NLRP5: variants seen among roughly 807,000 people sequenced by gnomAD.
The protein encoded by NLRP5 is NLR family pyrin domain containing 5.
In NLRP5, 93 loss-of-function variants were observed where a neutral mutation model predicts 113.1. The ratio of observed to expected loss-of-function variants is 0.82; its 90% CI spans 0.70 to 0.98. The LOEUF (loss-of-function observed/expected upper bound fraction) is 0.98, where lower values mean the gene tolerates loss of function less well. NLRP5 is among the 50% of genes least tolerant of loss of function. The pLI, the probability that NLRP5 is intolerant of heterozygous loss-of-function variation, is 0.00. For missense variants in NLRP5, 1,808 were observed against 1,514.3 expected, an observed-to-expected ratio of 1.19 and a Z score of -3.22; for synonymous variants, 751 against 600.7, an observed-to-expected ratio of 1.25 and a Z score of -3.66.
chr19:55,988,438 G>GTATATATATATATATATATA, the NLRP5 span: 21 of 91,826 alleles, frequency 2.3e-4, no homozygotes, highest in South Asian at 3.3e-4. Flanking sequence ...ATATATATGT[G>GTATATATATATATATATATA]TGTGTGTATA....
intron 2 of NLRP5, among the ~76,000 whole-genome samples, chr19:56,008,348 A>C (rs537760819): frequency 2.6e-5 from 4 of 152,046 alleles, no homozygotes; most frequent in Admixed American, 1.3e-4. Context: ...CATGGAAGAG[A>C]TGTTTTGCAA....
At chr19:55,998,710 G>GTATATATATATATATA (rs1555762445), upstream of NLRP5, among the ~76,000 whole-genome samples, 251 of 67,792 alleles carry the variant, frequency 3.7e-3, 17 homozygotes, top group African/African-American at 0.02. Flanking sequence ...ATATGTGTGT[G>GTATATATATATATATA]TGTGTATATA....
chr19:56,060,765 A>C (rs1984323723), intron 14 of NLRP5, among the ~76,000 whole-genome samples: 1 of 152,068 alleles, frequency 6.6e-6, no homozygotes, highest in South Asian at 2.1e-4. Flanking sequence ...GGAACATGCT[A>C]CTGTTATCAA....
At chr19:55,990,238 G>T in the NLRP5 span, among the ~76,000 whole-genome samples, 1 of 151,404 alleles carries the variant, frequency 6.6e-6, no homozygotes, top group Non-Finnish European at 1.5e-5. Context: ...ACAGGCACAC[G>T]CCACGATGCC....
Position 56,032,780 on chromosome 19 carries a change from A to T in NLRP5, c.2446A>T (p.Met816Leu), listed in dbSNP as rs1006791651. The T allele has an allele frequency of 3.1e-6, 5 of 1,603,302 alleles. No homozygotes were observed. Among genetic ancestry groups the T allele is most frequent in the East Asian group, 2.2e-5 (1 of 44,642 alleles). Residue 816 changes from methionine to leucine, a missense_variant and splice_region_variant, in exon 8 of 15, where the codon ATG becomes TTG. Coordinates refer to ENST00000390649, the MANE Select transcript of NLRP5 (RefSeq NM_153447.4). Reference sequence around the variant, plus strand: ...TCCCACCTGCAAGATACAGACCCTGATGTAAGGCTGCCCGCCCCCTACGAG... The same window carrying T: ...TCCCACCTGCAAGATACAGACCCTGTTGTAAGGCTGCCCGCCCCCTACGAG...
chr19:55,998,628 G>A (rs1391762653), upstream of NLRP5, among the ~76,000 whole-genome samples: 6 of 148,142 alleles, frequency 4.1e-5, no homozygotes, highest in South Asian at 4.3e-4. Context: ...ACTCCAGCCC[G>A]GGCGACAATG....
intron 11 of NLRP5, among the ~76,000 whole-genome samples, chr19:56,044,322 G>A (rs148809154): frequency 0.059 from 9,029 of 152,286 alleles, 379 homozygotes; most frequent in Non-Finnish European, 0.089. Flanking sequence ...CCAAAGTGCT[G>A]GGATTACAGG....
At chr19:55,999,844 G>A in intron 1 of NLRP5, 1 of 1,326,422 alleles carries the variant, frequency 7.5e-7, no homozygotes, top group South Asian at 1.2e-5. Context: ...TTGGTACCAT[G>A]ACACACGGAT....
chr19:56,025,379 T>C (rs562527572), intron 6 of NLRP5, among the ~76,000 whole-genome samples: 10 of 150,282 alleles, frequency 6.7e-5, no homozygotes, highest in African/African-American at 2.4e-4. Flanking sequence ...TCAAGGAACG[T>C]GCTCCGTTCT....
At chr19:55,998,728 A>ACG (rs1555762464), upstream of NLRP5, among the ~76,000 whole-genome samples, 3 of 130,344 alleles carry the variant, frequency 2.3e-5, no homozygotes, top group African/African-American at 9.7e-5. Flanking sequence ...ATATATATAT[A>ACG]TGTGTATATA....
Position 56,041,076 on chromosome 19 carries a change from A to C in NLRP5, c.2941A>C (p.Ser981Arg). The change falls in exon 11 of 15, where the codon AGT (serine) becomes CGT (arginine). Residue 981 changes from serine to arginine, a missense_variant. Coordinates refer to ENST00000390649, the MANE Select transcript of NLRP5 (RefSeq NM_153447.4). ...TCGATCCATGAGGCTTCCCCACTGT[A>C]GTCTGCAGAGGCTGATGTGAGTCTG... The C allele has an allele frequency of 6.2e-7, 1 of 1,613,944 alleles. No homozygotes were observed. The highest frequency in any genetic ancestry group is 8.5e-7 in the Non-Finnish European group (1 of 1,179,846).
chr19:56,016,895 G>T (rs781469549), intron 4 of NLRP5, among the ~76,000 whole-genome samples: 3 of 151,998 alleles, frequency 2.0e-5, no homozygotes, highest in Non-Finnish European at 4.4e-5. Flanking sequence ...TGCAAGCTCC[G>T]CCTCCTGGGT....
At chr19:56,053,197 A>T (rs775997253) in intron 12 of NLRP5, among the ~76,000 whole-genome samples, 1 of 151,980 alleles carries the variant, frequency 6.6e-6, no homozygotes, top group Non-Finnish European at 1.5e-5. Context: ...GGAGTTTGAG[A>T]CCAGCCTTAC....
At chr19:56,003,183 T>G (rs201590660) in intron 1 of NLRP5, among the ~76,000 whole-genome samples, 23,548 of 152,026 alleles carry the variant, frequency 0.15, 2,082 homozygotes, top group East Asian at 0.31. Context: ...AGATGGAGTT[T>G]CACTCTTGTC....
intron 8 of NLRP5, among the ~76,000 whole-genome samples, chr19:56,033,190 G>A (rs572059980): frequency 6.6e-6 from 1 of 152,288 alleles, no homozygotes; most frequent in Admixed American, 6.5e-5. Flanking sequence ...GGTGGAGGTT[G>A]CAGTGAGCCA....
intron 13 of NLRP5, among the ~76,000 whole-genome samples, chr19:56,055,671 A>T (rs525121): frequency 6.7e-6 from 1 of 148,990 alleles, no homozygotes; most frequent in African/African-American, 2.5e-5. Flanking sequence ...TCAGCCTCCC[A>T]AGTAGCTGGG....
At chr19:56,016,611 C>G (rs1982412657) in intron 4 of NLRP5, among the ~76,000 whole-genome samples, 1 of 152,190 alleles carries the variant, frequency 6.6e-6, no homozygotes, top group Non-Finnish European at 1.5e-5. Flanking sequence ...CCGGTCCACT[C>G]TCTGCCCCAC....
At chr19:56,040,163 T>C (rs1983466739) in intron 10 of NLRP5, among the ~76,000 whole-genome samples, 1 of 152,032 alleles carries the variant, frequency 6.6e-6, no homozygotes, top group Non-Finnish European at 1.5e-5. Flanking sequence ...CCCAGGCTGG[T>C]CTCGAACTCC....
At chr19:55,988,415 TATACAC>T in the NLRP5 span, 11 of 134,716 alleles carry the variant, frequency 8.2e-5, no homozygotes, top group African/African-American at 3.1e-4. Context: ...AAAAAATACA[TATACAC>T]ATAAATATAT....
Sources: allele counts gnomAD v4.1 joint callset (sites outside exome capture counted in the v4.1 genomes callset), GRCh38; gene constraint gnomAD v4.1.1; transcripts MANE v1.5; gene names NCBI Gene and HGNC (gene_info 2026-07-23, HGNC 2026-07-21).